The following HPS5 variants were observed in gnomAD, a reference collection of about 807,000 sequenced individuals.
HPS5 encodes HPS5 biogenesis of lysosomal organelles complex 2 subunit 2, also known as BLOC-2 complex member HPS5.
HPS5 carries 83 observed loss-of-function variants against 128.0 expected under a neutral mutation model. The ratio of observed to expected loss-of-function variants is 0.65; its 90% CI spans 0.54 to 0.78. HPS5 has a LOEUF of 0.78. HPS5 is among the 30% of genes least tolerant of loss of function. The pLI, the probability that HPS5 is intolerant of heterozygous loss-of-function variation, is 0.00. For missense variants in HPS5, 1,281 were observed against 1,326.2 expected, an observed-to-expected ratio of 0.97 and a Z score of 0.53; for synonymous variants, 475 against 470.2, an observed-to-expected ratio of 1.01 and a Z score of -0.13.
At chr11:18,311,011 T>C in intron 4 of HPS5, 78 bp from the exon 5 acceptor site, 1 of 982,580 alleles carries the variant, frequency 1.0e-6, no homozygotes, top group Non-Finnish European at 1.6e-6. Flanking sequence ...GTATCAACTA[T>C]ATCAAATACA....
rs944039657 is a variant in HPS5 at position 18,297,624 on chromosome 11, A to G, written c.1258T>C (p.Leu420=). The G allele has an allele frequency of 6.2e-7, 1 of 1,613,940 alleles. No individual in the cohort carries two copies. The highest frequency in any genetic ancestry group is 1.7e-5 in the Admixed American group (1 of 60,010). The part of the protein sequence containing the change: ...YNDLISQLEE[L]ILKFEPLDSA... The stretch of plus-strand genomic sequence containing the variant: ...TCCAAAGGTTCAAATTTTAAGATCA[A>G]TTCTTCCAGTTGAGAAATTAGATCA... Residue 420 remains leucine, a synonymous_variant, in exon 11 of 23, where the codon TTG becomes CTG. Transcript: ENST00000349215.
chr11:18,286,869 A>G, intron 18 of HPS5, 159 bp from the exon 19 acceptor site: 1 of 890,856 alleles, frequency 1.1e-6, no homozygotes, highest in Non-Finnish European at 1.7e-6. Context: ...GCTGGTGACC[A>G]AGCTCCAAGA....
intron 9 of HPS5, among the ~76,000 whole-genome samples, chr11:18,299,255 A>G (rs1861433131): frequency 6.6e-6 from 1 of 152,238 alleles, no homozygotes; most frequent in Non-Finnish European, 1.5e-5. Flanking sequence ...ACATTAAAAG[A>G]GGATAATCTA....
In HPS5 at chr11:18,291,824, T is replaced by C. The variant is rs1860442520; in HGVS notation, c.2058A>G (p.Glu686=). The C allele has an allele frequency of 4.3e-6, 7 of 1,612,630 alleles. No individual in the cohort carries two copies. The highest frequency in any genetic ancestry group is 5.9e-6 in the Non-Finnish European group (7 of 1,179,464). ...VNESKKGILD[E]DNEKEKRDSL... ...AGTCCCTTTTTTCTTTTTCATTATC[T>C]TCATCTAATATTCCCTTTTTTGATT... is the stretch of plus-strand genomic sequence containing the variant. Residue 686 remains glutamate, a synonymous_variant, in exon 16 of 23, where the codon GAA becomes GAG. Coordinates refer to ENST00000349215, the MANE Select transcript of HPS5 (RefSeq NM_181507.2).
At chr11:18,318,053 T>C in intron 1 of HPS5, 146 bp from the exon 2 acceptor site, 3 of 636,208 alleles carry the variant, frequency 4.7e-6, no homozygotes, top group Middle Eastern at 4.2e-4. Context: ...TAACATCGTA[T>C]GCCACAGTGT....
intron 9 of HPS5, among the ~76,000 whole-genome samples, 156 bp from the exon 10 acceptor site, chr11:18,299,126 A>T (rs372784384): frequency 2.1e-4 from 32 of 152,356 alleles, no homozygotes; most frequent in African/African-American, 7.5e-4. Flanking sequence ...CAATGAAGAA[A>T]TCATATTTTA....
Position 18,300,932 on chromosome 11 carries a change from TGAAGA to T in HPS5, c.897-21_897-17del, listed in dbSNP as rs1861629406. The T allele has an allele frequency of 6.8e-7, 1 of 1,460,692 alleles. No individual in the cohort carries two copies. The highest frequency in any genetic ancestry group is 1.4e-5 in the African/African-American group (1 of 71,876). 90.5% of individuals were successfully genotyped at this position (1,460,692 alleles called of 1,614,324 possible). ...ACAATGCTCACTGCAAGAGAAGAAGTGAAGAGAATTCAAGTGTGCTAGGATACAAA... is the reference window on the plus strand; with the variant it reads ...ACAATGCTCACTGCAAGAGAAGAAGTGAATTCAAGTGTGCTAGGATACAAA... On this transcript the variant is annotated splice_polypyrimidine_tract_variant and intron_variant, in intron 8 of 22. Transcript: ENST00000349215.
chr11:18,304,260 A>G (rs2134412013), intron 8 of HPS5, among the ~76,000 whole-genome samples: 1 of 145,656 alleles, frequency 6.9e-6, no homozygotes, highest in Non-Finnish European at 1.5e-5. Flanking sequence ...TCTGTGGCCC[A>G]GGCTGGAGTG....
At chr11:18,298,702 A>C (rs1233442581) in intron 10 of HPS5, 90 bp downstream of exon 10, 1 of 1,341,492 alleles carries the variant, frequency 7.5e-7, no homozygotes, top group Non-Finnish European at 1.1e-6. Context: ...GACAGGGTTA[A>C]TAAAATCAAG....
chr11:18,295,889 A>T, intron 13 of HPS5, 110 bp downstream of exon 13: 1 of 1,204,798 alleles, frequency 8.3e-7, no homozygotes. Context: ...AGTTATATGG[A>T]AAACAAGAGA....
Position 18,296,071 on chromosome 11 carries a change from A to AG in HPS5, c.1561_1562insC (p.Phe521SerfsTer28). ...TGGTAATGGAATGCCGAACGGGAGA[A>AG]AAGTTTCATTCTTATCTGTCTCAAA... On this transcript the variant is annotated frameshift_variant, in exon 13 of 23. Coordinates refer to ENST00000349215, the MANE Select transcript of HPS5 (RefSeq NM_181507.2). LOFTEE classifies it high-confidence loss of function. 6.2e-7 allele frequency: 1 copy of AG among 1,613,368 alleles called. No homozygotes were observed. Among genetic ancestry groups the AG allele is most frequent in the Non-Finnish European group, 8.5e-7 (1 of 1,179,258 alleles).
intron 6 of HPS5, 36 bp from the exon 7 acceptor site, chr11:18,306,383 T>C (rs754916498): frequency 6.5e-7 from 1 of 1,538,248 alleles, no homozygotes; most frequent in South Asian, 1.1e-5. Flanking sequence ...CAGATTTACT[T>C]ACAAAAAAAA....
At chr11:18,311,002 T>TA in intron 4 of HPS5, 69 bp from the exon 5 acceptor site, 4 of 1,032,644 alleles carry the variant, frequency 3.9e-6, no homozygotes, top group Admixed American at 3.4e-5. Context: ...TGCATCACAG[T>TA]ATCAACTATA....
chr11:18,291,252 A>G (rs1416673966), intron 16 of HPS5, among the ~76,000 whole-genome samples, 190 bp downstream of exon 16: 2 of 152,174 alleles, frequency 1.3e-5, no homozygotes, highest in African/African-American at 4.8e-5. Flanking sequence ...AATTTCTTAT[A>G]ATCCAGTTGT....
intron 10 of HPS5, among the ~76,000 whole-genome samples, chr11:18,298,207 T>C (rs1311065956): frequency 1.3e-5 from 2 of 152,056 alleles, no homozygotes; most frequent in Admixed American, 6.6e-5. Flanking sequence ...AATTAAGAAT[T>C]TAAGGCCATG....
At chr11:18,282,331 G>A in intron 21 of HPS5, 111 bp from the exon 22 acceptor site, 2 of 1,211,880 alleles carry the variant, frequency 1.7e-6, no homozygotes, top group Non-Finnish European at 2.4e-6. Context: ...AAATATTCAA[G>A]AACACAATCT....
At chr11:18,306,652 CCAAA>C (rs1862408744) in intron 6 of HPS5, among the ~76,000 whole-genome samples, 4 of 152,282 alleles carry the variant, frequency 2.6e-5, no homozygotes, top group Non-Finnish European at 5.9e-5. Context: ...GTGAGTGCTA[CCAAA>C]CTATTTCGTA....
rs558229020 is a variant in HPS5, at chr11:18,282,156, C to T, written c.3123G>A (p.Thr1041=). ...TTAGTGACTCCTGGGGGGCTGGCCTCGTGCTCTTGCTCTGTATGAGATGAA... is the reference window on the plus strand; with the variant it reads ...TTAGTGACTCCTGGGGGGCTGGCCTTGTGCTCTTGCTCTGTATGAGATGAA... ...LLLHLIQSKS[T]RPAPQESLNG... is the part of the protein sequence containing the mutation. Residue 1041 remains threonine (T), a synonymous_variant, in exon 22 of 23, where the codon ACG becomes ACA. Coordinates refer to ENST00000349215, the MANE Select transcript of HPS5 (RefSeq NM_181507.2). 8 of 1,614,050 alleles carry T rather than the reference C, an allele frequency of 5.0e-6. No individual in the cohort carries two copies. Among genetic ancestry groups the T allele is most frequent in the Admixed American group, 3.3e-5 (2 of 60,000 alleles).
intron 21 of HPS5, 142 bp from the exon 22 acceptor site, chr11:18,282,362 T>A (rs1859102818): frequency 1.1e-6 from 1 of 917,606 alleles, no homozygotes; most frequent in East Asian, 2.5e-5. Context: ...ACACAAGTTG[T>A]TTTCTGAAAA....
Sources: gnomAD v4.1 joint callset for allele counts (sites outside exome capture counted in the v4.1 genomes callset) on GRCh38, gnomAD v4.1.1 for gene constraint, MANE v1.5 for transcripts, NCBI Gene and HGNC (gene_info 2026-07-23, HGNC 2026-07-21) for gene names.